Variants in DLG2 observed in about 807,000 individuals in gnomAD.
DLG2 encodes the protein disks large homolog 2.
In DLG2, 45 loss-of-function variants were observed where a neutral mutation model predicts 132.5. That is an observed-to-expected ratio of 0.34 (90% CI 0.27 to 0.44). The LOEUF (loss-of-function observed/expected upper bound fraction) is 0.44, where lower values mean the gene tolerates loss of function less well. DLG2 is among the 20% of genes least tolerant of loss of function. The pLI, the probability that DLG2 is intolerant of heterozygous loss-of-function variation, is 1.00. For synonymous variants in DLG2, 424 were observed against 419.6 expected, an observed-to-expected ratio of 1.01 and a Z score of -0.13; for missense variants, 1,045 against 1,196.9, an observed-to-expected ratio of 0.87 and a Z score of 1.87.
chr11:84,838,651 A>G (rs1162424230), intron 6 of DLG2, among the ~76,000 whole-genome samples: 1 of 152,002 alleles, frequency 6.6e-6, no homozygotes, highest in Non-Finnish European at 1.5e-5. Flanking sequence ...TCACTGCAGA[A>G]TTGTTTATAA....
intron 18 of DLG2, among the ~76,000 whole-genome samples, chr11:83,692,658 G>A (rs1434054001): frequency 1.3e-5 from 2 of 152,092 alleles, no homozygotes; most frequent in African/African-American, 4.8e-5. Context: ...AAATAATGTA[G>A]GTAAAGGGCT....
intron 9 of DLG2, among the ~76,000 whole-genome samples, chr11:84,132,045 G>T (rs1031324405): frequency 5.9e-5 from 9 of 151,638 alleles, no homozygotes; most frequent in Non-Finnish European, 1.3e-4. Flanking sequence ...TGTGTATCAG[G>T]ATTACCTCTT....
chr11:83,892,258 A>C (rs2070153817), intron 15 of DLG2, among the ~76,000 whole-genome samples: 1 of 152,180 alleles, frequency 6.6e-6, no homozygotes. Context: ...TAAGATTTTA[A>C]ATTTGATCCA....
At chr11:85,591,620 G>A (rs995521981) in intron 3 of DLG2, among the ~76,000 whole-genome samples, 1 of 152,178 alleles carries the variant, frequency 6.6e-6, no homozygotes, top group Non-Finnish European at 1.5e-5. Context: ...GCACATGCCT[G>A]TAGTCCCAGT....
intron 3 of DLG2, among the ~76,000 whole-genome samples, chr11:85,404,195 A>G (rs1204595745): frequency 6.6e-6 from 1 of 151,978 alleles, no homozygotes; most frequent in Non-Finnish European, 1.5e-5. Context: ...CAGGAGAGAG[A>G]TTAGTATTAG....
At chr11:85,020,922 G>T (rs2060004923) in intron 6 of DLG2, 2 of 770,464 alleles carry the variant, frequency 2.6e-6, no homozygotes, top group Admixed American at 3.4e-5. Context: ...AGGGTCATCT[G>T]CACCGCCCTC....
At chr11:85,162,060 A>T (rs995857392) in intron 4 of DLG2, among the ~76,000 whole-genome samples, 1 of 152,170 alleles carries the variant, frequency 6.6e-6, no homozygotes, top group Non-Finnish European at 1.5e-5. Flanking sequence ...AGACACAATG[A>T]TTCCATTAAC....
chr11:83,674,318 T>C (rs914166255), intron 18 of DLG2, among the ~76,000 whole-genome samples: 4 of 152,134 alleles, frequency 2.6e-5, no homozygotes, highest in African/African-American at 9.7e-5. Flanking sequence ...AGCCAGAATA[T>C]TAGTGCTGGC....
At chr11:84,281,143 T>A (rs905040041) in intron 7 of DLG2, among the ~76,000 whole-genome samples, 1 of 152,116 alleles carries the variant, frequency 6.6e-6, no homozygotes, top group Non-Finnish European at 1.5e-5. Context: ...GATTCACACC[T>A]CTTGTTACAT....
chr11:84,396,758 G>A lies in DLG2; in HGVS notation c.519+137812C>T, dbSNP rs536649016. Among the ~76,000 whole-genome samples the A allele has an allele frequency of 4.2e-4, 64 of 152,244 alleles. 1 individual carries two copies. The South Asian group carries it at 0.011, about 27-fold the overall frequency. On this transcript the variant is annotated intron_variant, in intron 7 of 27. Coordinates refer to ENST00000376104, the MANE Select transcript of DLG2 (RefSeq NM_001142699.3). The stretch of plus-strand genomic sequence containing the variant: ...TAATACCATTGGGAAAATAGGCATC[G>A]CATTCCAGTGGACTGGGCAGCTAAC...
chr11:83,750,385 A>G (rs1003092538), intron 18 of DLG2, among the ~76,000 whole-genome samples: 1 of 152,204 alleles, frequency 6.6e-6, no homozygotes, highest in African/African-American at 2.4e-5. Flanking sequence ...ATATAGTTAA[A>G]GAGCAGAGTC....
intron 6 of DLG2, chr11:84,923,350 T>C (rs1471286064): frequency 8.3e-7 from 1 of 1,201,042 alleles, no homozygotes. Flanking sequence ...TAATTTCAAT[T>C]AGATGAGAAT....
At chr11:83,672,099 T>C (rs1371726642) in intron 18 of DLG2, among the ~76,000 whole-genome samples, 2 of 152,084 alleles carry the variant, frequency 1.3e-5, no homozygotes, top group Non-Finnish European at 2.9e-5. Flanking sequence ...GAAAAAAATG[T>C]TGTAGAAACA....
chr11:84,133,938 G>C (rs756558134), intron 9 of DLG2, among the ~76,000 whole-genome samples: 1 of 151,992 alleles, frequency 6.6e-6, no homozygotes, highest in Admixed American at 6.6e-5. Flanking sequence ...GCCAAAATCC[G>C]TAAAAATGAT....
intron 7 of DLG2, among the ~76,000 whole-genome samples, chr11:84,262,700 C>G (rs533810834): frequency 2.2e-4 from 33 of 152,026 alleles, no homozygotes; most frequent in African/African-American, 8.0e-4. Flanking sequence ...CCCTCAAATC[C>G]CCAAAGTCCA....
At chr11:84,995,456 G>A (rs2057543542) in intron 6 of DLG2, among the ~76,000 whole-genome samples, 1 of 152,120 alleles carries the variant, frequency 6.6e-6, no homozygotes, top group Non-Finnish European at 1.5e-5. Flanking sequence ...AAGCATTAAA[G>A]TCAGTTATGT....
At chr11:85,591,601 G>T in intron 3 of DLG2, among the ~76,000 whole-genome samples, 1 of 152,126 alleles carries the variant, frequency 6.6e-6, no homozygotes, top group Non-Finnish European at 1.5e-5. Context: ...AAATTAGCTG[G>T]GCGTGGTGGC....
chr11:84,317,209 C>G (rs2154395389), intron 7 of DLG2: 1 of 1,534,730 alleles, frequency 6.5e-7, no homozygotes, highest in Admixed American at 2.0e-5. Context: ...TCCCTCACAC[C>G]CCTTTCTTCC....
At chr11:85,088,602 G>T (rs567473147) in intron 6 of DLG2, among the ~76,000 whole-genome samples, 1 of 152,224 alleles carries the variant, frequency 6.6e-6, no homozygotes, top group South Asian at 2.1e-4. Context: ...TAAAAAGAAA[G>T]CATTATTTTA....
Sources: gnomAD v4.1 joint callset for allele counts (sites outside exome capture counted in the v4.1 genomes callset) on GRCh38, gnomAD v4.1.1 for gene constraint, MANE v1.5 for transcripts, NCBI Gene and HGNC (gene_info 2026-07-23, HGNC 2026-07-21) for gene names.